PAK3: variants seen among roughly 807,000 people sequenced by gnomAD.
PAK3 encodes serine/threonine-protein kinase PAK 3.
In PAK3, 4 loss-of-function variants were observed where a neutral mutation model predicts 41.0. The observed-to-expected ratio is 0.10, with a 90% CI of 0.05 to 0.22. PAK3 has a LOEUF of 0.22. Ranked by LOEUF, PAK3 falls within the 10% of genes least tolerant of loss-of-function variation. The pLI is 1.00. For missense variants in PAK3, 205 were observed against 409.9 expected (o/e 0.50, Z 4.32); for synonymous variants, 146 against 139.6 (o/e 1.05, Z -0.32).
chrX:111,070,525 G>A (rs1423385539), intron 1 of PAK3, among the ~76,000 whole-genome samples: 7 of 111,868 alleles, frequency 6.3e-5, no homozygotes, highest in Non-Finnish European at 1.3e-4. Flanking sequence ...GGCAGGGCGA[G>A]AAGGCTTCTT....
chrX:110,984,345 C>T (rs1009625053), intron 1 of PAK3, among the ~76,000 whole-genome samples: 3 of 111,929 alleles, frequency 2.7e-5, no homozygotes, highest in African/African-American at 9.8e-5. Flanking sequence ...CATACACACA[C>T]ATATACATCC....
At chrX:110,971,330 G>A (rs924816440) in intron 1 of PAK3, among the ~76,000 whole-genome samples, 4 of 112,297 alleles carry the variant, frequency 3.6e-5, no homozygotes, top group African/African-American at 9.7e-5. Context: ...TATAAATGCA[G>A]TAATACAATA....
chrX:111,180,339 T>C (rs2094451459), intron 11 of PAK3, among the ~76,000 whole-genome samples: 1 of 111,479 alleles, frequency 9.0e-6, no homozygotes, highest in African/African-American at 3.3e-5. Context: ...ATCCAACACT[T>C]GCAGTTATGT....
intron 5 of PAK3, among the ~76,000 whole-genome samples, chrX:111,141,514 G>A (rs900369357): frequency 8.9e-6 from 1 of 111,837 alleles, no homozygotes; most frequent in Non-Finnish European, 1.9e-5. Context: ...GGTAGGAAAT[G>A]ATTGAAATAT....
chrX:111,057,696 C>A (rs1210478694), intron 1 of PAK3, among the ~76,000 whole-genome samples: 1 of 111,027 alleles, frequency 9.0e-6, no homozygotes, highest in Non-Finnish European at 1.9e-5. Flanking sequence ...TATTAACATA[C>A]TAAAGAGTTC....
intron 1 of PAK3, among the ~76,000 whole-genome samples, chrX:110,959,430 G>T (rs898165025): frequency 9.0e-6 from 1 of 111,122 alleles, no homozygotes; most frequent in Non-Finnish European, 1.9e-5. Context: ...CGGGCTTTCC[G>T]TCTGTATCCT....
At position 111,053,805 on chromosome X, in the gene PAK3, C is replaced by G. The variant is rs751605461; in HGVS notation, c.-27-69272C>G. ...AGACCAGGTTCACACCACCATACTC[C>G]AAGGCAACCCTCCAGGCACTTATCC... is the stretch of plus-strand genomic sequence containing the variant. On this transcript the variant is annotated intron_variant, in intron 1 of 14. Coordinates refer to the PAK3 transcript ENST00000425146. 2.7e-5 allele frequency among the ~76,000 whole-genome samples: 3 copies of G among 111,709 alleles called. No homozygotes were observed. The East Asian group carries it at 8.5e-4, about 32-fold the overall frequency.
chrX:111,069,014 G>A (rs752290834), intron 1 of PAK3, among the ~76,000 whole-genome samples: 2 of 111,715 alleles, frequency 1.8e-5, no homozygotes, highest in South Asian at 7.6e-4. Context: ...CGCAGTGTGT[G>A]CCTCTATTTC....
intron 16 of PAK3, among the ~76,000 whole-genome samples, chrX:111,210,537 A>T (rs1299939994): frequency 8.9e-6 from 1 of 111,869 alleles, no homozygotes; most frequent in Non-Finnish European, 1.9e-5. Context: ...ATCTTCTTAG[A>T]TTTTAATAGG....
chrX:111,025,314 T>C (rs779466190), intron 1 of PAK3, among the ~76,000 whole-genome samples: 2 of 109,827 alleles, frequency 1.8e-5, no homozygotes, highest in African/African-American at 6.6e-5. Context: ...CTAAATGAAA[T>C]TGAAACAAAA....
intron 16 of PAK3, among the ~76,000 whole-genome samples, chrX:111,216,023 T>C (rs902074020): frequency 2.8e-4 from 31 of 112,175 alleles, no homozygotes; most frequent in African/African-American, 1.0e-3. Flanking sequence ...CATTGCACTT[T>C]CCCAAGGTTA....
chrX:110,996,686 C>A (rs1357263762), intron 1 of PAK3, among the ~76,000 whole-genome samples: 2 of 111,424 alleles, frequency 1.8e-5, no homozygotes, highest in Non-Finnish European at 3.8e-5. Flanking sequence ...ACCCAACATG[C>A]ACAAAGAAGT....
At chrX:111,087,427 A>C (rs1235618719) in intron 1 of PAK3, among the ~76,000 whole-genome samples, 1 of 109,118 alleles carries the variant, frequency 9.2e-6, no homozygotes, top group African/African-American at 3.3e-5. Flanking sequence ...TTATTACAAA[A>C]AAAAAAAAAG....
At chrX:111,071,985 A>G (rs1366270649) in intron 1 of PAK3, among the ~76,000 whole-genome samples, 1 of 112,107 alleles carries the variant, frequency 8.9e-6, no homozygotes, top group Non-Finnish European at 1.9e-5. Context: ...AGATTTCTAG[A>G]TGTTCTCTGG....
intron 1 of PAK3, among the ~76,000 whole-genome samples, chrX:111,047,025 G>C (rs1246288067): frequency 8.9e-6 from 1 of 112,036 alleles, no homozygotes; most frequent in Non-Finnish European, 1.9e-5. Context: ...TGAGAGAAAG[G>C]CCTCTGTAAA....
At chrX:111,108,208 G>A (rs765917586) in intron 4 of PAK3, among the ~76,000 whole-genome samples, 1 of 112,229 alleles carries the variant, frequency 8.9e-6, no homozygotes, top group Non-Finnish European at 1.9e-5. Flanking sequence ...ACTTTCCAAA[G>A]TAAACTTCCT....
chrX:111,009,447 C>T (rs888465076), intron 1 of PAK3, among the ~76,000 whole-genome samples: 1 of 109,719 alleles, frequency 9.1e-6, no homozygotes, highest in African/African-American at 3.3e-5. Flanking sequence ...GCTTGGCACA[C>T]CTGAAAGCAG....
chrX:111,056,416 A>G lies in PAK3; in HGVS notation c.-27-66661A>G, dbSNP rs769294434. ...TAAATATTTGCTTAAAAAATCCCTC[A>G]TGTGTATGTTTGTTGTCAAGCTTTT... On this transcript the variant is annotated intron_variant, in intron 1 of 14. Transcript: ENST00000425146. Among the ~76,000 whole-genome samples, 140 of 111,890 alleles carry G rather than the reference A, an allele frequency of 1.3e-3. 1 individual carries two copies. Among genetic ancestry groups the G allele is most frequent in the African/African-American group, 4.4e-3 (135 of 30,838 alleles).
At chrX:111,006,485 G>C (rs1408897848) in intron 1 of PAK3, among the ~76,000 whole-genome samples, 1 of 111,772 alleles carries the variant, frequency 8.9e-6, no homozygotes, top group African/African-American at 3.2e-5. Flanking sequence ...TCTGGGTGAG[G>C]GGTATACAGG....
Sources: allele counts gnomAD v4.1 joint callset (sites outside exome capture counted in the v4.1 genomes callset), GRCh38; gene constraint gnomAD v4.1.1; transcripts MANE v1.5; gene names NCBI Gene and HGNC (gene_info 2026-07-23, HGNC 2026-07-21).